The following PLBD1 variants were observed in gnomAD, a reference collection of about 807,000 sequenced individuals.
PLBD1 encodes the protein lysosomal leucine aminopeptidase.
In PLBD1, 60 loss-of-function variants were observed where a neutral mutation model predicts 63.0. That is an observed-to-expected ratio of 0.95 (90% CI 0.77 to 1.18). The LOEUF is 1.18. Ranked by LOEUF, PLBD1 falls within the 50% of genes most tolerant of loss-of-function variation. The pLI is 0.00. For missense variants in PLBD1, 598 were observed against 677.9 expected, an observed-to-expected ratio of 0.88 and a Z score of 1.31; for synonymous variants, 262 against 248.0, an observed-to-expected ratio of 1.06 and a Z score of -0.53.
chr12:14,539,570 G>C (rs937671414), intron 4 of PLBD1, among the ~76,000 whole-genome samples: 3 of 151,918 alleles, frequency 2.0e-5, no homozygotes, highest in Non-Finnish European at 4.4e-5. Flanking sequence ...TGGATCTTTT[G>C]AGGTCAGGAG....
intron 2 of PLBD1, among the ~76,000 whole-genome samples, chr12:14,550,870 C>T (rs900061063): frequency 6.7e-6 from 1 of 148,662 alleles, no homozygotes; most frequent in Non-Finnish European, 1.5e-5. Context: ...AAGAGTGAAA[C>T]TCCGTCTCAA....
intron 6 of PLBD1, among the ~76,000 whole-genome samples, chr12:14,527,159 A>G (rs937971356): frequency 6.6e-6 from 1 of 152,216 alleles, no homozygotes; most frequent in Non-Finnish European, 1.5e-5. Context: ...TCCTTAAGAC[A>G]TCTAGCCCCA....
intron 6 of PLBD1, among the ~76,000 whole-genome samples, chr12:14,524,626 G>A (rs189853731): frequency 6.6e-6 from 1 of 152,254 alleles, no homozygotes; most frequent in Non-Finnish European, 1.5e-5. Context: ...ACTGATAAAT[G>A]TTTGCGGTGA....
intron 6 of PLBD1, among the ~76,000 whole-genome samples, chr12:14,525,682 A>AACACAC (rs57722328): frequency 4.4e-4 from 66 of 149,236 alleles, no homozygotes; most frequent in African/African-American, 1.4e-3. Flanking sequence ...CTTACTTCTC[A>AACACAC]ACACACACAC....
intron 6 of PLBD1, among the ~76,000 whole-genome samples, chr12:14,531,633 C>G (rs1945462760): frequency 6.6e-6 from 1 of 152,080 alleles, no homozygotes. Flanking sequence ...AATGTAATCT[C>G]TTTGTTGTTG....
chr12:14,558,097 G>A (rs186874556), intron 1 of PLBD1, among the ~76,000 whole-genome samples: 13 of 148,378 alleles, frequency 8.8e-5, no homozygotes, highest in Middle Eastern at 3.6e-3. Flanking sequence ...ACTAAAAGTA[G>A]AGTCTTAATA....
At chr12:14,564,034 G>A (rs145175384) in intron 1 of PLBD1, among the ~76,000 whole-genome samples, 130 of 152,282 alleles carry the variant, frequency 8.5e-4, no homozygotes, top group African/African-American at 2.9e-3. Flanking sequence ...GCGAGCAAGA[G>A]TTTGAGATCA....
intron 6 of PLBD1, among the ~76,000 whole-genome samples, chr12:14,535,233 T>C (rs1945503709): frequency 6.6e-6 from 1 of 152,216 alleles, no homozygotes; most frequent in Non-Finnish European, 1.5e-5. Context: ...TATTAAGTAC[T>C]CAATGCCACA....
At chr12:14,509,985 G>C (rs2136904759) in intron 8 of PLBD1, among the ~76,000 whole-genome samples, 1 of 152,234 alleles carries the variant, frequency 6.6e-6, no homozygotes, top group South Asian at 2.1e-4. Context: ...AGAATTTAGG[G>C]TTTTTCAGAC....
At chr12:14,540,109 T>TA (rs1491112895) in intron 4 of PLBD1, among the ~76,000 whole-genome samples, 2,820 of 35,318 alleles carry the variant, frequency 0.08, 264 homozygotes, top group African/African-American at 0.15. Context: ...ATAAATATTA[T>TA]TTATATATAT....
At chr12:14,537,387 T>C (rs1945528840) in intron 4 of PLBD1, among the ~76,000 whole-genome samples, 1 of 152,206 alleles carries the variant, frequency 6.6e-6, no homozygotes, top group Non-Finnish European at 1.5e-5. Flanking sequence ...ATCCCTGGCC[T>C]CTACCCACTA....
intron 1 of PLBD1, among the ~76,000 whole-genome samples, chr12:14,555,666 T>C (rs1200616246): frequency 1.3e-5 from 2 of 152,204 alleles, no homozygotes; most frequent in African/African-American, 4.8e-5. Context: ...GACCATCACA[T>C]ACAGCTCTCC....
At chr12:14,519,059 G>A (rs1945356038) in intron 6 of PLBD1, among the ~76,000 whole-genome samples, 1 of 152,086 alleles carries the variant, frequency 6.6e-6, no homozygotes, top group Admixed American at 6.6e-5. Context: ...GCAATGATCT[G>A]AAGATACTAG....
chr12:14,536,641 A>G lies in PLBD1; in HGVS notation c.628T>C (p.Ser210Pro). The change falls in exon 5 of 11, where the codon TCT becomes CCT. Residue 210 changes from serine (S) to proline (P), a missense_variant. Transcript: ENST00000240617. ...TTTAGGCTGCCGTTTTTTGTGGGAG[A>G]GAGTGAGGGAATCAGATCCAATAGA... ...GDLLDLIPSL[S>P]PTKNGSLKVF... is the part of the protein sequence containing the mutation. The G allele has an allele frequency of 6.2e-7, 1 of 1,614,108 alleles. No individual in the cohort carries two copies. The highest frequency in any genetic ancestry group is 8.5e-7 in the Non-Finnish European group (1 of 1,179,996).
At position 14,567,830 on chromosome 12, in the gene PLBD1, T is replaced by G; in HGVS notation, c.-134A>C. The G allele has an allele frequency of 8.1e-7, 1 of 1,232,428 alleles. No individual in the cohort carries two copies. The highest frequency in any genetic ancestry group is 2.0e-5 in the South Asian group (1 of 50,580). 76.3% of individuals were successfully genotyped at this position (1,232,428 alleles called of 1,614,324 possible). A position where few individuals can be genotyped will look rare whatever the true frequency, so the allele number is the denominator to read the frequency against. ...AGGTGGGGCGTCCTCAACTTTCCTC[T>G]TTCTTGAGCCCGGCCTGCTCCGGGC... On this transcript the variant is annotated 5_prime_UTR_variant, in exon 1 of 11. Transcript: ENST00000240617.
chr12:14,514,068 C>A (rs565151497), intron 6 of PLBD1, among the ~76,000 whole-genome samples: 1 of 152,152 alleles, frequency 6.6e-6, no homozygotes, highest in Admixed American at 6.5e-5. Context: ...CGTGAGCCAC[C>A]GTGCCCGGCC....
chr12:14,539,784 TAA>T (rs530723349), intron 4 of PLBD1, among the ~76,000 whole-genome samples: 1 of 138,924 alleles, frequency 7.2e-6, no homozygotes, highest in Non-Finnish European at 1.6e-5. Flanking sequence ...AGACTCTGAC[TAA>T]AAAAAAAAAA....
intron 2 of PLBD1, among the ~76,000 whole-genome samples, chr12:14,547,179 T>TC (rs1491258884): frequency 7.4e-6 from 1 of 134,334 alleles, no homozygotes; most frequent in African/African-American, 2.9e-5. Flanking sequence ...TGCACCTGGC[T>TC]TTGTGTGTGT....
At chr12:14,531,893 T>C (rs1945466437) in intron 6 of PLBD1, among the ~76,000 whole-genome samples, 1 of 152,178 alleles carries the variant, frequency 6.6e-6, no homozygotes, top group Non-Finnish European at 1.5e-5. Flanking sequence ...GCCTCCTAAA[T>C]TGCTGGGATT....
Sources: allele counts gnomAD v4.1 joint callset (sites outside exome capture counted in the v4.1 genomes callset), GRCh38; gene constraint gnomAD v4.1.1; transcripts MANE v1.5; gene names NCBI Gene and HGNC (gene_info 2026-07-23, HGNC 2026-07-21).